GAPVD1: variants seen among roughly 807,000 people sequenced by gnomAD.
The protein encoded by GAPVD1 is GTPase activating protein and VPS9 domains 1.
Under a neutral mutation model 155.5 loss-of-function variants are expected in GAPVD1, and 35 were observed. The observed-to-expected ratio is 0.23, with a 90% CI of 0.17 to 0.30. The LOEUF is 0.30. GAPVD1 is among the 10% of genes least tolerant of loss of function. The pLI, the probability that GAPVD1 is intolerant of heterozygous loss-of-function variation, is 1.00. For synonymous variants in GAPVD1, 636 were observed against 619.7 expected (o/e 1.03, Z -0.39); for missense variants, 1,429 against 1,775.7 (o/e 0.80, Z 3.51).
chr9:125,263,925 G>T, intron 1 of GAPVD1: 1 of 1,444,428 alleles, frequency 6.9e-7, no homozygotes, highest in Non-Finnish European at 9.7e-7. Context: ...CAGGCAAACT[G>T]TTCCTTCATG....
At chr9:125,316,852 C>T (rs867362799) in intron 9 of GAPVD1, among the ~76,000 whole-genome samples, 2 of 152,298 alleles carry the variant, frequency 1.3e-5, no homozygotes, top group African/African-American at 4.8e-5. Flanking sequence ...ATTTACACTC[C>T]CACCAACAGT....
rs185514541 is a variant in GAPVD1 at position 125,292,527 on chromosome 9, G to A, written c.-149-2931G>A. ...CTTGCCTCAGCCTCCTGAGTAGCTG[G>A]GATTACAGGTGTGCACCACCAAGCC... On this transcript the variant is annotated intron_variant, in intron 2 of 27. Coordinates refer to ENST00000297933, the MANE Select transcript of GAPVD1 (RefSeq NM_001282680.3). Among the ~76,000 whole-genome samples the A allele has an allele frequency of 9.9e-5, 15 of 152,054 alleles. No homozygotes were observed. In the East Asian group the frequency reaches 2.9e-3, roughly 29 times the overall value.
At chr9:125,273,680 C>T (rs1588549239) in intron 2 of GAPVD1, among the ~76,000 whole-genome samples, 1 of 151,712 alleles carries the variant, frequency 6.6e-6, no homozygotes. Context: ...GATCAGAGGG[C>T]GATGAAGTTC....
In GAPVD1 at chr9:125,346,841, T is replaced by C; in HGVS notation, c.3069T>C (p.Ser1023=). The C allele has an allele frequency of 6.2e-7, 1 of 1,614,078 alleles. No homozygotes were observed. The highest frequency in any genetic ancestry group is 8.5e-7 in the Non-Finnish European group (1 of 1,179,936). Reference sequence around the variant, plus strand: ...CAGATGATCCCAGCCCTAGACTCAGTGCACAAGCTCAGGTGGCTGAGGATA... The same window carrying C: ...CAGATGATCCCAGCCCTAGACTCAGCGCACAAGCTCAGGTGGCTGAGGATA... ...TLTDDPSPRL[S]AQAQVAEDIL... Residue 1023 remains serine, a synonymous_variant, in exon 20 of 28, where the codon AGT becomes AGC. Coordinates refer to ENST00000297933, the MANE Select transcript of GAPVD1 (RefSeq NM_001282680.3).
intron 25 of GAPVD1, among the ~76,000 whole-genome samples, chr9:125,358,129 A>G (rs1165984739): frequency 6.6e-6 from 1 of 151,856 alleles, no homozygotes; most frequent in Non-Finnish European, 1.5e-5. Context: ...TTTTTTTGAG[A>G]TAGTCTCACT....
intron 3 of GAPVD1, among the ~76,000 whole-genome samples, chr9:125,298,677 CAG>C (rs551882910): frequency 8.6e-5 from 13 of 151,788 alleles, no homozygotes; most frequent in South Asian, 2.1e-4. Flanking sequence ...TTAGTAGAGA[CAG>C]GGGTTTCACC....
chr9:125,344,819 AAAAG>A (rs1848288586), intron 19 of GAPVD1, among the ~76,000 whole-genome samples: 3 of 152,050 alleles, frequency 2.0e-5, no homozygotes, highest in Non-Finnish European at 4.4e-5. Flanking sequence ...AAAAAAAAAA[AAAAG>A]GCAGTAGCCA....
chr9:125,358,334 G>GACCTCAAGTGA (rs1371747580), intron 25 of GAPVD1, among the ~76,000 whole-genome samples: 2 of 152,130 alleles, frequency 1.3e-5, no homozygotes, highest in Non-Finnish European at 2.9e-5. Context: ...TCGAACTCCT[G>GACCTCAAGTGA]ACCTCAAGTG....
At chr9:125,288,068 A>G (rs987205131) in intron 2 of GAPVD1, among the ~76,000 whole-genome samples, 3 of 150,364 alleles carry the variant, frequency 2.0e-5, no homozygotes, top group Non-Finnish European at 4.4e-5. Flanking sequence ...AAACTTCCAG[A>G]TGTTGTTTTT....
rs1478731014 is a variant in GAPVD1, at chr9:125,366,538, G to A, written c.*3792G>A. ...GCTTTGTTTCTTTAAAGAAAAGGCT[G>A]TTGTCTCTCTTTTTAAATATTTAAG... On this transcript the variant is annotated 3_prime_UTR_variant, in exon 28 of 28. Transcript: ENST00000297933. 1 of 152,034 alleles carries A rather than the reference G, an allele frequency of 6.6e-6. No individual in the cohort carries two copies. The highest frequency in any genetic ancestry group is 2.4e-5 in the African/African-American group (1 of 41,394). The allele number at this position is 152,034 out of a possible 1,614,324, so 9.4% of individuals were successfully genotyped here.
rs1002213065 is a variant in GAPVD1 at position 125,299,193 on chromosome 9, T to C, written c.185+87T>C. The C allele has an allele frequency of 4.5e-6, 3 of 666,110 alleles. No individual in the cohort carries two copies. The African/African-American group carries it at 5.5e-5, about 12-fold the overall frequency. 41.3% of individuals were successfully genotyped at this position (666,110 alleles called of 1,614,324 possible). On this transcript the variant is annotated intron_variant, in intron 4 of 27. Transcript: ENST00000297933. ...GTAACTATAAATAAATGAATCTGTT[T>C]CCAACAAAGTGCATTATTTAAGATA...
chr9:125,339,658 CT>C (rs965213813), intron 17 of GAPVD1, among the ~76,000 whole-genome samples: 1 of 152,160 alleles, frequency 6.6e-6, no homozygotes, highest in African/African-American at 2.4e-5. Context: ...ATTTATCTAC[CT>C]TTCTCCATAA....
chr9:125,322,214 G>A (rs372207349), intron 10 of GAPVD1, among the ~76,000 whole-genome samples: 3 of 152,038 alleles, frequency 2.0e-5, no homozygotes, highest in East Asian at 1.9e-4. Flanking sequence ...ACAGGCACCC[G>A]CCACCACGCC....
chr9:125,274,305 A>T (rs754010408), intron 2 of GAPVD1, among the ~76,000 whole-genome samples: 33 of 152,056 alleles, frequency 2.2e-4, no homozygotes, highest in Non-Finnish European at 4.3e-4. Context: ...GGTGTGAGCC[A>T]CTATCCTGGG....
intron 2 of GAPVD1, among the ~76,000 whole-genome samples, chr9:125,288,132 G>C (rs1261314602): frequency 1.4e-5 from 2 of 143,264 alleles, no homozygotes; most frequent in Non-Finnish European, 3.0e-5. Context: ...TTTTTTTTGA[G>C]ACGGAGTCTC....
intron 5 of GAPVD1, among the ~76,000 whole-genome samples, chr9:125,303,702 G>C (rs1841317327): frequency 6.6e-6 from 1 of 151,052 alleles, no homozygotes; most frequent in African/African-American, 2.4e-5. Context: ...CTTGAACCCG[G>C]GAGACAGAGG....
chr9:125,343,074 AG>A, intron 19 of GAPVD1, among the ~76,000 whole-genome samples: 1 of 152,300 alleles, frequency 6.6e-6, no homozygotes, highest in South Asian at 2.1e-4. Flanking sequence ...GAGCATCTTG[AG>A]CAAGTTTGTT....
intron 1 of GAPVD1, among the ~76,000 whole-genome samples, chr9:125,267,288 T>C (rs1387891010): frequency 6.6e-6 from 1 of 152,208 alleles, no homozygotes; most frequent in Non-Finnish European, 1.5e-5. Flanking sequence ...AAGGTCTTGC[T>C]CTGTTGTCTA....
intron 15 of GAPVD1, among the ~76,000 whole-genome samples, chr9:125,336,340 T>A (rs1307499588): frequency 6.6e-6 from 1 of 151,740 alleles, no homozygotes; most frequent in African/African-American, 2.4e-5. Flanking sequence ...CTAAAAACAT[T>A]TAGATTAATA....
Sources: gnomAD v4.1 joint callset for allele counts (sites outside exome capture counted in the v4.1 genomes callset) on GRCh38, gnomAD v4.1.1 for gene constraint, MANE v1.5 for transcripts, NCBI Gene and HGNC (gene_info 2026-07-23, HGNC 2026-07-21) for gene names.